Variants in BSN observed in about 807,000 individuals in gnomAD.
BSN encodes the protein bassoon presynaptic cytomatrix protein, also known as protein bassoon.
BSN carries 57 observed loss-of-function variants against 264.8 expected under a neutral mutation model. That is an observed-to-expected ratio of 0.22 (90% CI 0.17 to 0.27). BSN has a LOEUF of 0.27. Ranked by LOEUF, BSN falls within the 10% of genes least tolerant of loss-of-function variation. The pLI is 1.00. For synonymous variants in BSN, 2,059 were observed against 2,137.3 expected, an observed-to-expected ratio of 0.96 and a Z score of 1.01; for missense variants, 4,615 against 5,232.5, an observed-to-expected ratio of 0.88 and a Z score of 3.64.
At chr3:49,624,247 C>T (rs868141242) in intron 1 of BSN, among the ~76,000 whole-genome samples, 5 of 150,874 alleles carry the variant, frequency 3.3e-5, no homozygotes, top group East Asian at 1.9e-4. Context: ...TTGATGTGCC[C>T]GCCTCGGCCT....
Position 49,654,815 on chromosome 3 carries a change from C to T in BSN, c.5259C>T (p.Asp1753=). ...AAAAGCAGCCTGTGGTCTATGGAGA[C>T]CCCTACCAGAGCCGCCTTGACTTTG... is the stretch of plus-strand genomic sequence containing the variant. ...AQQKQPVVYG[D]PYQSRLDFGQ... The change falls in exon 5 of 12, where the codon GAC becomes GAT. Residue 1753 remains aspartate, a synonymous_variant. Coordinates refer to ENST00000296452, the MANE Select transcript of BSN (RefSeq NM_003458.4). This position sits in a 1 kb window ranked among gnomAD's most constrained non-coding sequence, Gnocchi z 4.1. 6.2e-7 allele frequency: 1 copy of T among 1,613,472 alleles called. No individual in the cohort carries two copies. The highest frequency in any genetic ancestry group is 8.5e-7 in the Non-Finnish European group (1 of 1,179,940).
intron 8 of BSN, 144 bp from the exon 9 acceptor site, chr3:49,664,279 T>G (rs2052691971): frequency 1.8e-6 from 2 of 1,086,976 alleles, no homozygotes; most frequent in South Asian, 3.0e-5. Context: ...GTTCTTACCT[T>G]CTTCTCTTTA....
chr3:49,662,843 G>A (rs752514358), intron 6 of BSN, 33 bp from the exon 7 acceptor site: 3 of 1,528,242 alleles, frequency 2.0e-6, no homozygotes, highest in Admixed American at 2.1e-5. Flanking sequence ...GCTAGCCCGG[G>A]GGTTGATGGT....
intron 1 of BSN, among the ~76,000 whole-genome samples, chr3:49,564,779 T>C (rs1464991230): frequency 6.6e-6 from 1 of 151,992 alleles, no homozygotes; most frequent in East Asian, 1.9e-4. Flanking sequence ...ACAGCTACGG[T>C]TGGATTGGAG....
intron 1 of BSN, 32 bp from the exon 2 acceptor site, chr3:49,624,943 A>C: frequency 1.4e-6 from 2 of 1,481,216 alleles, no homozygotes; most frequent in Non-Finnish European, 1.8e-6. Flanking sequence ...TCTAAGCTGT[A>C]TCTCTAACAG....
intron 2 of BSN, among the ~76,000 whole-genome samples, chr3:49,637,276 C>T (rs1014015311): frequency 2.0e-5 from 3 of 152,092 alleles, no homozygotes; most frequent in Non-Finnish European, 4.4e-5. Context: ...GGGAAGAGAA[C>T]ATGTGACTTC....
chr3:49,613,303 C>CGAGAGCGAGAGA (rs2052223682), intron 1 of BSN, among the ~76,000 whole-genome samples: 1 of 47,332 alleles, frequency 2.1e-5, no homozygotes, highest in Non-Finnish European at 4.0e-5. Flanking sequence ...ACACACAGAG[C>CGAGAGCGAGAGA]GAGAGAGAGA....
Position 49,554,844 on chromosome 3 carries a change from C to T in BSN, c.224+18C>T. On this transcript the variant is annotated intron_variant, in intron 1 of 11. Transcript: ENST00000296452. Reference sequence around the variant, plus strand: ...CCGGGCAGGTAAGCGCGTGTCTCGGCGCCCGGGGGGCGGTGAGCTGCAGCC... The same window carrying T: ...CCGGGCAGGTAAGCGCGTGTCTCGGTGCCCGGGGGGCGGTGAGCTGCAGCC... The T allele has an allele frequency of 8.3e-7, 1 of 1,206,726 alleles. No individual in the cohort carries two copies. Among genetic ancestry groups the T allele is most frequent in the Non-Finnish European group, 1.0e-6 (1 of 968,786 alleles). 74.8% of individuals were successfully genotyped at this position (1,206,726 alleles called of 1,614,324 possible). A position where few individuals can be genotyped will look rare whatever the true frequency, so the allele number is the denominator to read the frequency against.
intron 1 of BSN, among the ~76,000 whole-genome samples, chr3:49,574,132 ATTTTT>A (rs33920630): frequency 3.1e-5 from 4 of 127,990 alleles, no homozygotes; most frequent in African/African-American, 8.9e-5. Flanking sequence ...GTATTTTTGT[ATTTTT>A]TTTTTTTTTT....
intron 11 of BSN, among the ~76,000 whole-genome samples, 159 bp from the exon 12 acceptor site, chr3:49,667,431 C>T (rs2052720483): frequency 6.6e-6 from 1 of 152,190 alleles, no homozygotes; most frequent in Non-Finnish European, 1.5e-5. Flanking sequence ...CCCATCTCCC[C>T]AAGCCTGAGT....
chr3:49,663,495 G>A lies in BSN; in HGVS notation c.11337G>A (p.Gln3779=), dbSNP rs1472075783. 2 of 1,612,020 alleles carry A rather than the reference G, an allele frequency of 1.2e-6. No individual in the cohort carries two copies. Among genetic ancestry groups the A allele is most frequent in the African/African-American group, 2.7e-5 (2 of 75,042 alleles). ...SGAASRQPQT[Q]QQQQGLGLQP... ...CAGCATCACGCCAGCCACAGACACA[G>A]CAGCAGCAGCAAGGTCTTGGGCTGC... The change falls in exon 7 of 12, where the codon CAG becomes CAA. Residue 3779 remains glutamine, a synonymous_variant. Coordinates refer to ENST00000296452, the MANE Select transcript of BSN (RefSeq NM_003458.4).
intron 1 of BSN, among the ~76,000 whole-genome samples, chr3:49,611,002 A>G (rs1307527802): frequency 6.6e-6 from 1 of 152,182 alleles, no homozygotes; most frequent in African/African-American, 2.4e-5. Context: ...TGGGCTAAAG[A>G]TGTGTCCAGG....
At chr3:49,666,788 G>A (rs2052716761) in intron 11 of BSN, among the ~76,000 whole-genome samples, 1 of 152,060 alleles carries the variant, frequency 6.6e-6, no homozygotes, top group African/African-American at 2.4e-5. Flanking sequence ...AAGGGGGTGG[G>A]AGCCAGCTGG....
At chr3:49,641,366 A>C (rs1422623811) in intron 2 of BSN, among the ~76,000 whole-genome samples, 4 of 152,314 alleles carry the variant, frequency 2.6e-5, no homozygotes, top group African/African-American at 9.6e-5. Context: ...TCCAAAGGAA[A>C]ACGAATAAAG....
At chr3:49,615,676 A>G (rs887450119) in intron 1 of BSN, among the ~76,000 whole-genome samples, 1 of 152,086 alleles carries the variant, frequency 6.6e-6, no homozygotes, top group Non-Finnish European at 1.5e-5. Context: ...GCTGCGTTTT[A>G]TGGAGATCCT....
chr3:49,632,921 T>G (rs1290959301), intron 2 of BSN, among the ~76,000 whole-genome samples: 1 of 152,144 alleles, frequency 6.6e-6, no homozygotes, highest in African/African-American at 2.4e-5. Context: ...GGCAAATAGC[T>G]AGAACCTGTC....
chr3:49,660,493 C>G lies in BSN; in HGVS notation c.8648C>G (p.Ala2883Gly). The G allele has an allele frequency of 1.3e-6, 2 of 1,530,848 alleles. No homozygotes were observed. The highest frequency in any genetic ancestry group is 1.8e-6 in the Non-Finnish European group (2 of 1,139,192). The allele number at this position is 1,530,848 out of a possible 1,614,324, so 94.8% of individuals were successfully genotyped here. A position where few individuals can be genotyped will look rare whatever the true frequency, so the allele number is the denominator to read the frequency against. The change falls in exon 6 of 12, where the codon GCG (alanine) becomes GGG (glycine). Residue 2883 changes from alanine (A) to glycine (G), a missense_variant. By Grantham distance (60) the Ala-to-Gly change is moderately conservative. Transcript: ENST00000296452. This position sits in a 1 kb window ranked among gnomAD's most constrained non-coding sequence, Gnocchi z 7.1. The stretch of plus-strand genomic sequence containing the variant: ...CCCTTCCCTCTGTCTCAGGTGTCGG[C>G]GTTGCCACCCAACAGCCTGGTCCGC... Reference protein sequence around the residue: ...HQGGLGSQVSALPPNSLVRKV... With the variant: ...HQGGLGSQVSGLPPNSLVRKV...
intron 2 of BSN, among the ~76,000 whole-genome samples, chr3:49,633,301 C>CA (rs77435983): frequency 0.029 from 2,353 of 80,818 alleles, 39 homozygotes; most frequent in African/African-American, 0.073. Context: ...GACTCTGTCT[C>CA]AAAAAAAAAA....
chr3:49,631,543 G>A (rs1036513693), intron 2 of BSN, among the ~76,000 whole-genome samples: 5 of 147,186 alleles, frequency 3.4e-5, no homozygotes, highest in Admixed American at 3.4e-4. Flanking sequence ...GGGTGACAGA[G>A]TAAGACTCTG....
Sources: allele counts gnomAD v4.1 joint callset (sites outside exome capture counted in the v4.1 genomes callset), GRCh38; gene constraint gnomAD v4.1.1; non-coding constraint Gnocchi (gnomAD v3.1); transcripts MANE v1.5; gene names NCBI Gene and HGNC (gene_info 2026-07-23, HGNC 2026-07-21).